The following DUSP13B variants were observed in gnomAD, a reference collection of about 807,000 sequenced individuals.
The protein encoded by DUSP13B is dual specificity phosphatase 13B, also known as dual specificity protein phosphatase 13B.
the DUSP13B span, among the ~76,000 whole-genome samples, chr10:75,106,397 C>T: frequency 6.6e-6 from 1 of 152,126 alleles, no homozygotes; most frequent in Admixed American, 6.5e-5. Context: ...ATTCCAAATA[C>T]CTGCAAATTG....
chr10:75,095,667 C>A, the DUSP13B span: 2 of 1,614,090 alleles, frequency 1.2e-6, no homozygotes, highest in African/African-American at 2.7e-5. Flanking sequence ...CGCCTCGATG[C>A]CATAGTACTC....
At chr10:75,096,297 C>T in the DUSP13B span, among the ~76,000 whole-genome samples, 1 of 151,962 alleles carries the variant, frequency 6.6e-6, no homozygotes, top group African/African-American at 2.4e-5. Context: ...CCTTTTCAGG[C>T]CAGGCACTGT....
chr10:75,094,875 C>T, the DUSP13B span: 51 of 1,613,696 alleles, frequency 3.2e-5, no homozygotes, highest in Non-Finnish European at 3.8e-5. Flanking sequence ...TACCAGCACG[C>T]GGCCTGTAGG....
At chr10:75,103,157 G>A in the DUSP13B span, among the ~76,000 whole-genome samples, 1 of 152,238 alleles carries the variant, frequency 6.6e-6, no homozygotes, top group Non-Finnish European at 1.5e-5. Flanking sequence ...AGGGCAGGAA[G>A]TTCAAGTTGG....
chr10:75,100,211 T>G, the DUSP13B span, among the ~76,000 whole-genome samples: 1 of 152,076 alleles, frequency 6.6e-6, no homozygotes, highest in South Asian at 2.1e-4. Context: ...GGTCAAGGAT[T>G]TGGGGGCTGG....
chr10:75,104,191 A>G, the DUSP13B span: 3 of 872,614 alleles, frequency 3.4e-6, no homozygotes, highest in Non-Finnish European at 3.2e-6. Context: ...TGTCACCTAA[A>G]CCTGCTTCTG....
At chr10:75,097,013 A>G in the DUSP13B span, among the ~76,000 whole-genome samples, 7 of 152,208 alleles carry the variant, frequency 4.6e-5, no homozygotes, top group Admixed American at 2.6e-4. Context: ...GGTGAAACTA[A>G]CTACACTGTT....
the DUSP13B span, chr10:75,101,971 G>T: frequency 1.8e-5 from 24 of 1,366,790 alleles, no homozygotes; most frequent in African/African-American, 2.1e-4. Context: ...TCTATTTTTT[G>T]ATTTGAGTTT....
chr10:75,103,073 C>T, the DUSP13B span, among the ~76,000 whole-genome samples: 5 of 152,160 alleles, frequency 3.3e-5, no homozygotes, highest in African/African-American at 2.4e-5. Context: ...TAATCCTTGA[C>T]CATGCCATTG....
the DUSP13B span, chr10:75,099,388 C>G: frequency 1.1e-5 from 13 of 1,232,204 alleles, no homozygotes; most frequent in Admixed American, 4.2e-5. Flanking sequence ...CCTCATCCCC[C>G]ACTGTGACCT....
the DUSP13B span, chr10:75,097,853 C>T: frequency 9.3e-6 from 15 of 1,611,214 alleles, no homozygotes; most frequent in Non-Finnish European, 8.5e-7. Flanking sequence ...GATCTTGGGC[C>T]TCCGGAGGTC....
chr10:75,105,203 AG>A, the DUSP13B span, among the ~76,000 whole-genome samples: 1 of 152,172 alleles, frequency 6.6e-6, no homozygotes, highest in Non-Finnish European at 1.5e-5. Context: ...GTCCAGACCT[AG>A]GGGGAAGGGG....
At chr10:75,106,012 G>A in the DUSP13B span, 1 of 723,948 alleles carries the variant, frequency 1.4e-6, no homozygotes, top group East Asian at 2.7e-5. Flanking sequence ...ATGGACCTCA[G>A]TTTCCTGATC....
the DUSP13B span, among the ~76,000 whole-genome samples, chr10:75,104,710 A>G: frequency 1.3e-5 from 2 of 152,204 alleles, no homozygotes; most frequent in East Asian, 3.9e-4. Flanking sequence ...CCCAGCTATA[A>G]CCCAAAGTTT....
chr10:75,108,074 G>A, the DUSP13B span: 1 of 1,613,900 alleles, frequency 6.2e-7, no homozygotes, highest in South Asian at 1.1e-5. Flanking sequence ...GGAGGTCGTG[G>A]GCTGGCACCC....
At chr10:75,101,843 C>T in the DUSP13B span, 12 of 1,361,978 alleles carry the variant, frequency 8.8e-6, no homozygotes, top group South Asian at 2.3e-5. Flanking sequence ...TCCTACCCCC[C>T]CCAAATTAGG....
the DUSP13B span, among the ~76,000 whole-genome samples, chr10:75,107,346 GAA>G: frequency 3.4e-5 from 4 of 116,212 alleles, no homozygotes; most frequent in Non-Finnish European, 3.6e-5. Flanking sequence ...CTCTGTCTCA[GAA>G]AAAAAAAAAA....
the DUSP13B span, among the ~76,000 whole-genome samples, chr10:75,102,829 G>A: frequency 3.3e-5 from 5 of 152,168 alleles, no homozygotes; most frequent in Non-Finnish European, 5.9e-5. Context: ...GCGCATGCCT[G>A]TAATCCCAGC....
the DUSP13B span, among the ~76,000 whole-genome samples, chr10:75,107,066 T>C: frequency 1.3e-5 from 2 of 152,286 alleles, no homozygotes; most frequent in East Asian, 3.9e-4. Context: ...CCGGGTGCGG[T>C]GGCTCATGCC....
Sources: allele counts gnomAD v4.1 joint callset (sites outside exome capture counted in the v4.1 genomes callset), GRCh38; gene constraint gnomAD v4.1.1; transcripts MANE v1.5; gene names NCBI Gene and HGNC (gene_info 2026-07-23, HGNC 2026-07-21).